SUPT5H: variants seen among roughly 807,000 people sequenced by gnomAD.
The protein encoded by SUPT5H is SPT5 homolog, DSIF elongation factor subunit.
SUPT5H carries 24 observed loss-of-function variants against 142.5 expected under a neutral mutation model. The ratio of observed to expected loss-of-function variants is 0.17; its 90% CI spans 0.12 to 0.24. The LOEUF (loss-of-function observed/expected upper bound fraction) is 0.24. Ranked by LOEUF, SUPT5H falls within the 10% of genes least tolerant of loss-of-function variation. SUPT5H has a pLI of 1.00. For missense variants in SUPT5H, 893 were observed against 1,471.8 expected, an observed-to-expected ratio of 0.61 and a Z score of 6.43; for synonymous variants, 546 against 553.0, an observed-to-expected ratio of 0.99 and a Z score of 0.18.
intron 18 of SUPT5H, 151 bp from the exon 19 acceptor site, chr19:39,471,206 G>C: frequency 1.1e-6 from 1 of 912,930 alleles, no homozygotes; most frequent in Non-Finnish European, 1.6e-6. Flanking sequence ...GTGGCACTCT[G>C]CCTGCCTGCC....
Position 39,470,600 on chromosome 19 carries a change from G to A in SUPT5H, c.1677+77G>A. On this transcript the variant is annotated intron_variant, in intron 18 of 29. Transcript: ENST00000432763. The surrounding 1 kb of genome is among the most constrained non-coding windows in gnomAD (Gnocchi z 5.8). ...CCCTCAACCCCTCATCCTGGGAGGT[G>A]GCAGAGCCCCCAGACTGCTCTGGGT... 2 of 1,441,874 alleles carry A rather than the reference G, an allele frequency of 1.4e-6. No homozygotes were observed. Among genetic ancestry groups the A allele is most frequent in the South Asian group, 1.6e-5 (1 of 64,510 alleles). The allele number at this position is 1,441,874 out of a possible 1,614,324, so 89.3% of individuals were successfully genotyped here.
intron 3 of SUPT5H, among the ~76,000 whole-genome samples, chr19:39,456,851 G>C (rs145967332): frequency 6.6e-6 from 1 of 152,230 alleles, no homozygotes; most frequent in East Asian, 1.9e-4. Context: ...GAGCCACCAC[G>C]TCCAGCCTTA....
chr19:39,472,771 C>T lies in SUPT5H; in HGVS notation c.2036-39C>T. ...TCTGATGGTGCCCTTGCTGTGGGCACAGCCGTGGGGGACCAGTGACATTCT... is the reference window on the plus strand; with the variant it reads ...TCTGATGGTGCCCTTGCTGTGGGCATAGCCGTGGGGGACCAGTGACATTCT... On this transcript the variant is annotated intron_variant, in intron 21 of 29. Transcript: ENST00000432763. The surrounding 1 kb of genome is among the most constrained non-coding windows in gnomAD (Gnocchi z 4.2). 4 of 1,590,046 alleles carry T rather than the reference C, an allele frequency of 2.5e-6. No individual in the cohort carries two copies. Among genetic ancestry groups the T allele is most frequent in the Non-Finnish European group, 2.6e-6 (3 of 1,167,032 alleles).
intron 3 of SUPT5H, among the ~76,000 whole-genome samples, chr19:39,454,886 A>G (rs1241465573): frequency 6.6e-6 from 1 of 152,150 alleles, no homozygotes; most frequent in Non-Finnish European, 1.5e-5. Flanking sequence ...GAGAATGGAT[A>G]CCATGCTGGG....
intron 28 of SUPT5H, chr19:39,475,744 C>A (rs1220152070): frequency 6.9e-6 from 2 of 289,238 alleles, no homozygotes; most frequent in Non-Finnish European, 1.3e-5. Flanking sequence ...TCTGGTGGGG[C>A]CTGCAGACCA....
At position 39,474,846 on chromosome 19, in the gene SUPT5H, G is replaced by A. The variant is rs1336784524; in HGVS notation, c.3024+128G>A. 9.4e-7 allele frequency: 1 copy of A among 1,064,456 alleles called. No individual in the cohort carries two copies. The highest frequency in any genetic ancestry group is 1.6e-5 in the African/African-American group (1 of 63,262). 65.9% of individuals were successfully genotyped at this position (1,064,456 alleles called of 1,614,324 possible). A position where few individuals can be genotyped will look rare whatever the true frequency, so the allele number is the denominator to read the frequency against. On this transcript the variant is annotated intron_variant, in intron 28 of 29. Transcript: ENST00000432763. The surrounding 1 kb of genome is among the most constrained non-coding windows in gnomAD (Gnocchi z 6.5). Reference sequence around the variant, plus strand: ...GAGCTGGGATTGAGGAAGCCTAGAGGGCAAGGGGAGCTATGTGAACCCAAA... The same window carrying A: ...GAGCTGGGATTGAGGAAGCCTAGAGAGCAAGGGGAGCTATGTGAACCCAAA...
chr19:39,458,027 G>A lies in SUPT5H; in HGVS notation c.308-267G>A, dbSNP rs959671038. Reference sequence around the variant, plus strand: ...GTAGGGTGGGCGAGCTCTGTCCCAAGATACCCCCCACTTCCTGGGCCAGTG... The same window carrying A: ...GTAGGGTGGGCGAGCTCTGTCCCAAAATACCCCCCACTTCCTGGGCCAGTG... On this transcript the variant is annotated intron_variant, in intron 4 of 29. Coordinates refer to ENST00000432763, the MANE Select transcript of SUPT5H (RefSeq NM_001111020.3). The surrounding 1 kb of genome is among the most constrained non-coding windows in gnomAD (Gnocchi z 4.2). 1 of 731,826 alleles carries A rather than the reference G, an allele frequency of 1.4e-6. No homozygotes were observed. The highest frequency in any genetic ancestry group is 2.7e-5 in the East Asian group (1 of 37,096). The allele number at this position is 731,826 out of a possible 1,614,324, so 45.3% of individuals were successfully genotyped here.
At chr19:39,445,988 G>A (rs1183502474) in intron 2 of SUPT5H, 23 bp downstream of exon 2, 2 of 1,606,426 alleles carry the variant, frequency 1.2e-6, no homozygotes, top group Non-Finnish European at 1.7e-6. Context: ...GGCGCTGGGG[G>A]AGACATTGCG....
chr19:39,474,450 T>C lies in SUPT5H; in HGVS notation c.2820+48T>C, dbSNP rs767992990. On this transcript the variant is annotated intron_variant, in intron 27 of 29. Transcript: ENST00000432763. The surrounding 1 kb of genome is among the most constrained non-coding windows in gnomAD (Gnocchi z 6.5). The stretch of plus-strand genomic sequence containing the variant: ...TGAAGGGTGGTGGGCTAGGGTGACT[T>C]TGGGCATATAGGGTCGGCCAGGCCA... The C allele has an allele frequency of 1.9e-6, 3 of 1,609,814 alleles. No homozygotes were observed. Among genetic ancestry groups the C allele is most frequent in the East Asian group, 2.2e-5 (1 of 44,750 alleles).
At position 39,472,752 on chromosome 19, in the gene SUPT5H, G is replaced by T. The variant is rs1261823546; in HGVS notation, c.2036-58G>T. ...AAGCAAGTGAAGGGGACGTTCTGATGGTGCCCTTGCTGTGGGCACAGCCGT... is the reference window on the plus strand; with the variant it reads ...AAGCAAGTGAAGGGGACGTTCTGATTGTGCCCTTGCTGTGGGCACAGCCGT... On this transcript the variant is annotated intron_variant, in intron 21 of 29. Transcript: ENST00000432763. The surrounding 1 kb of genome is among the most constrained non-coding windows in gnomAD (Gnocchi z 4.2). 1 of 1,568,082 alleles carries T rather than the reference G, an allele frequency of 6.4e-7. No homozygotes were observed. Among genetic ancestry groups the T allele is most frequent in the African/African-American group, 1.3e-5 (1 of 74,188 alleles).
intron 2 of SUPT5H, among the ~76,000 whole-genome samples, chr19:39,446,312 G>T (rs866916690): frequency 6.6e-6 from 1 of 151,974 alleles, no homozygotes; most frequent in East Asian, 1.9e-4. Flanking sequence ...TTGCTCTTAG[G>T]GTACACCAGT....
In SUPT5H at chr19:39,473,003, C is replaced by G. The variant is rs1470408795; in HGVS notation, c.2156-9C>G. On this transcript the variant is annotated splice_polypyrimidine_tract_variant and intron_variant, in intron 22 of 29. Transcript: ENST00000432763. The surrounding 1 kb of genome is among the most constrained non-coding windows in gnomAD (Gnocchi z 5.8). ...AGCCTGCCCAGCCTGACCTCCTGTC[C>G]CCCTGCAGGCTACATCGGTGTGGTG... The G allele has an allele frequency of 6.2e-7, 1 of 1,613,246 alleles. No individual in the cohort carries two copies. Among genetic ancestry groups the G allele is most frequent in the South Asian group, 1.1e-5 (1 of 91,066 alleles).
At chr19:39,476,030 A>G (rs780537763) in intron 28 of SUPT5H, 51 bp from the exon 29 acceptor site, 38 of 1,537,802 alleles carry the variant, frequency 2.5e-5, no homozygotes, top group Non-Finnish European at 3.3e-5. Flanking sequence ...TATGGGCCTC[A>G]GTCCCATGTT....
At position 39,466,858 on chromosome 19, in the gene SUPT5H, G is replaced by A. The variant is rs1053464513; in HGVS notation, c.1037+113G>A. ...CCGCCACAGGTTTAGCCTGTGAATT[G>A]GTTAGCTTGGCAGTATAGCCTCAGG... On this transcript the variant is annotated intron_variant, in intron 13 of 29. Transcript: ENST00000432763. The surrounding 1 kb of genome is among the most constrained non-coding windows in gnomAD (Gnocchi z 4.3). The A allele has an allele frequency of 2.1e-5, 21 of 1,001,022 alleles. No individual in the cohort carries two copies. In the South Asian group the frequency reaches 2.2e-4, roughly 11 times the overall value. 62.0% of individuals were successfully genotyped at this position (1,001,022 alleles called of 1,614,324 possible). A position where few individuals can be genotyped will look rare whatever the true frequency, so the allele number is the denominator to read the frequency against.
intron 11 of SUPT5H, 63 bp downstream of exon 11, chr19:39,465,112 TTTG>T: frequency 6.4e-7 from 1 of 1,554,616 alleles, no homozygotes; most frequent in East Asian, 2.3e-5. Context: ...TTCCTTTCCT[TTTG>T]TCCTTCCCAC....
At chr19:39,448,574 C>T (rs148336363) in intron 2 of SUPT5H, among the ~76,000 whole-genome samples, 5 of 152,228 alleles carry the variant, frequency 3.3e-5, no homozygotes, top group African/African-American at 4.8e-5. Context: ...CCACCCCCGC[C>T]GCTGGCTCCT....
At chr19:39,447,450 C>CTTTTTT (rs59007555) in intron 2 of SUPT5H, among the ~76,000 whole-genome samples, 2 of 132,048 alleles carry the variant, frequency 1.5e-5, no homozygotes, top group Admixed American at 1.6e-4. Flanking sequence ...TTGCCATTAT[C>CTTTTTT]TTTTTTTTTT....
chr19:39,463,506 G>A (rs1311672561), intron 10 of SUPT5H, among the ~76,000 whole-genome samples: 1 of 152,176 alleles, frequency 6.6e-6, no homozygotes, highest in Non-Finnish European at 1.5e-5. Flanking sequence ...TTACTGAGAC[G>A]TGTTTTATGG....
intron 1 of SUPT5H, 32 bp from the exon 2 acceptor site, chr19:39,445,772 C>T (rs531642527): frequency 2.1e-5 from 26 of 1,232,884 alleles, no homozygotes; most frequent in Admixed American, 1.4e-4. Context: ...ACGAGCCTGC[C>T]GGAAGCGCCC....
Sources: gnomAD v4.1 joint callset for allele counts (sites outside exome capture counted in the v4.1 genomes callset) on GRCh38, gnomAD v4.1.1 for gene constraint, Gnocchi (gnomAD v3.1) non-coding constraint, MANE v1.5 for transcripts, NCBI Gene and HGNC (gene_info 2026-07-23, HGNC 2026-07-21) for gene names.